Variants in SORCS3 observed in about 807,000 individuals in gnomAD.
SORCS3 encodes the protein sortilin related VPS10 domain containing receptor 3.
Under a neutral mutation model 146.3 loss-of-function variants are expected in SORCS3, and 57 were observed. The observed-to-expected ratio is 0.39, with a 90% CI of 0.31 to 0.49. The LOEUF is 0.49. SORCS3 is among the 20% of genes least tolerant of loss of function. SORCS3 has a pLI of 0.92. For missense variants in SORCS3, 1,341 were observed against 1,575.5 expected (o/e 0.85, Z 2.52); for synonymous variants, 653 against 618.5 (o/e 1.06, Z -0.83).
Position 105,179,112 on chromosome 10 carries a change from C to G in SORCS3, c.2009+939C>G, listed in dbSNP as rs114163791. Among the ~76,000 whole-genome samples, 4 of 152,232 alleles carry G rather than the reference C, an allele frequency of 2.6e-5. No individual in the cohort carries two copies. The East Asian group carries it at 7.7e-4, about 29-fold the overall frequency. On this transcript the variant is annotated intron_variant, in intron 14 of 26. Transcript: ENST00000369701. ...TCAGTTATAAAAAAATTCTTTGTAACTGTATTTATGCAGTTTTGATCAAAT... is the reference window on the plus strand; with the variant it reads ...TCAGTTATAAAAAAATTCTTTGTAAGTGTATTTATGCAGTTTTGATCAAAT...
At chr10:104,687,971 T>A (rs996262260) in intron 1 of SORCS3, among the ~76,000 whole-genome samples, 1 of 152,210 alleles carries the variant, frequency 6.6e-6, no homozygotes, top group Non-Finnish European at 1.5e-5. Flanking sequence ...ATCATCCACA[T>A]CTCTAGCTTT....
intron 7 of SORCS3, among the ~76,000 whole-genome samples, chr10:105,118,425 A>G (rs964617726): frequency 6.6e-6 from 1 of 152,338 alleles, no homozygotes; most frequent in Admixed American, 6.5e-5. Context: ...AGTCATGGGC[A>G]GTTCTTTATA....
intron 4 of SORCS3, among the ~76,000 whole-genome samples, chr10:105,030,894 G>A (rs1477682540): frequency 6.6e-6 from 1 of 151,934 alleles, no homozygotes; most frequent in Admixed American, 6.6e-5. Flanking sequence ...CACCTGGCCT[G>A]TGGATCCTTT....
chr10:104,755,533 C>A (rs1336031263), intron 1 of SORCS3, among the ~76,000 whole-genome samples: 1 of 152,040 alleles, frequency 6.6e-6, no homozygotes, highest in African/African-American at 2.4e-5. Flanking sequence ...ATGAAAGTGG[C>A]AGAGTAGTTA....
intron 3 of SORCS3, among the ~76,000 whole-genome samples, chr10:104,975,639 C>A (rs1468637931): frequency 6.6e-6 from 1 of 152,196 alleles, no homozygotes; most frequent in Non-Finnish European, 1.5e-5. Flanking sequence ...CTGGAGGCAT[C>A]ACGTTACCTG....
chr10:104,772,457 T>C (rs902306), intron 1 of SORCS3, among the ~76,000 whole-genome samples: 121,121 of 151,882 alleles, frequency 0.8, 48,595 homozygotes, highest in East Asian at 0.94. Flanking sequence ...CCAGGTTGGC[T>C]GCAGCCCAAA....
intron 23 of SORCS3, among the ~76,000 whole-genome samples, chr10:105,254,964 G>A (rs188710532): frequency 3.1e-3 from 468 of 151,626 alleles, no homozygotes; most frequent in South Asian, 4.8e-3. Flanking sequence ...CGAGGTGGGC[G>A]GATCACGAGG....
rs1352685818 is a variant in SORCS3 at position 105,190,424 on chromosome 10, G to T, written c.2010-9575G>T. Among the ~76,000 whole-genome samples the T allele has an allele frequency of 5.9e-5, 9 of 152,200 alleles. No homozygotes were observed. In the East Asian group the frequency reaches 1.5e-3, roughly 26 times the overall value. On this transcript the variant is annotated intron_variant, in intron 14 of 26. Coordinates refer to ENST00000369701, the MANE Select transcript of SORCS3 (RefSeq NM_014978.3). ...AATATTAATTGTTATTATTATTTTT[G>T]AGACGGAGTCTCGCTCTGTCACCTC...
Position 105,058,978 on chromosome 10 carries a change from A to T in SORCS3, c.1028+15850A>T, listed in dbSNP as rs923490280. Among the ~76,000 whole-genome samples the T allele has an allele frequency of 3.3e-5, 5 of 152,314 alleles. No individual in the cohort carries two copies. In the East Asian group the frequency reaches 9.6e-4, roughly 29 times the overall value. ...CTTTGCACAAATAAAAAGAAATTTT[A>T]AAAATGCCGATAGTTTCTTCGGCCC... On this transcript the variant is annotated intron_variant, in intron 5 of 26. Coordinates refer to ENST00000369701, the MANE Select transcript of SORCS3 (RefSeq NM_014978.3).
intron 4 of SORCS3, among the ~76,000 whole-genome samples, chr10:105,037,985 T>C (rs958801261): frequency 3.3e-5 from 5 of 152,344 alleles, no homozygotes; most frequent in Non-Finnish European, 7.4e-5. Flanking sequence ...ACGGAATCAA[T>C]AAGGAAAAGA....
chr10:105,000,411 C>T (rs950436845), intron 4 of SORCS3, among the ~76,000 whole-genome samples: 2 of 151,914 alleles, frequency 1.3e-5, no homozygotes, highest in East Asian at 1.9e-4. Context: ...GTCTATGCTG[C>T]TTTATTATAA....
intron 6 of SORCS3, among the ~76,000 whole-genome samples, chr10:105,094,036 G>T (rs759015066): frequency 1.3e-5 from 2 of 152,150 alleles, no homozygotes; most frequent in Non-Finnish European, 2.9e-5. Context: ...AACATAGGAT[G>T]CTACTCGGTA....
Position 105,150,782 on chromosome 10 carries a change from G to A in SORCS3, c.1482+2986G>A, listed in dbSNP as rs568499810. On this transcript the variant is annotated intron_variant, in intron 9 of 26. Transcript: ENST00000369701. ...AGGGTAATGCTGTTTTGCACCTGGA[G>A]ATACATTCTGTGGTTTGGAGATAAA... Among the ~76,000 whole-genome samples the A allele has an allele frequency of 2.9e-4, 44 of 152,258 alleles. No individual in the cohort carries two copies. The South Asian group carries it at 3.3e-3, about 11-fold the overall frequency.
intron 1 of SORCS3, among the ~76,000 whole-genome samples, chr10:104,750,563 A>G (rs1381884003): frequency 6.6e-6 from 1 of 152,222 alleles, no homozygotes; most frequent in Non-Finnish European, 1.5e-5. Context: ...GTTGGTGAAG[A>G]TACTGATGGC....
chr10:104,716,698 T>C (rs2016483618), intron 1 of SORCS3, among the ~76,000 whole-genome samples: 1 of 152,168 alleles, frequency 6.6e-6, no homozygotes, highest in South Asian at 2.1e-4. Flanking sequence ...TCATCTTAAT[T>C]CCTCCAGGAC....
intron 1 of SORCS3, among the ~76,000 whole-genome samples, chr10:104,837,448 G>A (rs937776866): frequency 2.0e-5 from 3 of 152,194 alleles, no homozygotes; most frequent in African/African-American, 7.2e-5. Context: ...TAGCTTGTAA[G>A]AAGAGAGAAG....
chr10:104,978,514 A>G (rs2054915074), intron 4 of SORCS3, among the ~76,000 whole-genome samples: 1 of 152,208 alleles, frequency 6.6e-6, no homozygotes, highest in African/African-American at 2.4e-5. Flanking sequence ...CTCTTCCAGT[A>G]TTCCCTATCT....
intron 20 of SORCS3, among the ~76,000 whole-genome samples, chr10:105,229,789 C>T (rs1041734954): frequency 8.5e-5 from 13 of 152,104 alleles, no homozygotes; most frequent in African/African-American, 3.1e-4. Flanking sequence ...GAGCAGTGTA[C>T]GTTGGCCTTG....
chr10:105,249,671 A>G (rs555188329), intron 22 of SORCS3, among the ~76,000 whole-genome samples: 34 of 152,224 alleles, frequency 2.2e-4, no homozygotes, highest in South Asian at 6.2e-4. Flanking sequence ...GCCTGAGCTC[A>G]GGAGTTTGAG....
Sources: gnomAD v4.1 joint callset for allele counts (sites outside exome capture counted in the v4.1 genomes callset) on GRCh38, gnomAD v4.1.1 for gene constraint, MANE v1.5 for transcripts, NCBI Gene and HGNC (gene_info 2026-07-23, HGNC 2026-07-21) for gene names.